Variants in TRPC6 observed in about 807,000 individuals in gnomAD.
TRPC6 encodes the protein transient receptor potential cation channel subfamily C member 6, also known as short transient receptor potential channel 6.
In TRPC6, 55 loss-of-function variants were observed where a neutral mutation model predicts 90.7. That is an observed-to-expected ratio of 0.61 (90% CI 0.49 to 0.76). The LOEUF (loss-of-function observed/expected upper bound fraction) is 0.76, where lower values mean the gene tolerates loss of function less well. TRPC6 is among the 30% of genes least tolerant of loss of function. TRPC6 has a pLI of 0.00. For missense variants in TRPC6, 989 were observed against 1,122.7 expected (o/e 0.88, Z 1.70); for synonymous variants, 393 against 393.0 (o/e 1.00, Z 0.00).
chr11:101,581,924 A>G lies in TRPC6; in HGVS notation c.170+1410T>C, dbSNP rs190052505. On this transcript the variant is annotated intron_variant, in intron 1 of 12. Coordinates refer to ENST00000344327, the MANE Select transcript of TRPC6 (RefSeq NM_004621.6). ...CATTAAAGTTGGAAAAGTCTGTACT[A>G]TGAGACATAAAAATATCTTCTAATT... 4.3e-3 allele frequency among the ~76,000 whole-genome samples: 656 copies of G among 152,308 alleles called. 1 individual carries two copies. The highest frequency in any genetic ancestry group is 0.015 in the African/African-American group (622 of 41,560).
chr11:101,496,006 G>T (rs1170989978), intron 2 of TRPC6, among the ~76,000 whole-genome samples: 1 of 152,004 alleles, frequency 6.6e-6, no homozygotes, highest in Non-Finnish European at 1.5e-5. Flanking sequence ...TTCTGCTTTT[G>T]GAGAGGCCTC....
rs189991620 is a variant in TRPC6 at position 101,499,128 on chromosome 11, G to A, written c.945+4896C>T. On this transcript the variant is annotated intron_variant, in intron 2 of 12. Transcript: ENST00000344327. ...TGAGTGAGAGTCCAGAAAAAGTTAA[G>A]CAAAGACAGCATCAGCAGGGAATAC... 3.9e-5 allele frequency among the ~76,000 whole-genome samples: 6 copies of A among 152,224 alleles called. No individual in the cohort carries two copies. In the East Asian group the frequency reaches 9.7e-4, roughly 25 times the overall value.
intron 5 of TRPC6, among the ~76,000 whole-genome samples, chr11:101,477,408 C>A (rs550076884): frequency 6.6e-6 from 1 of 151,896 alleles, no homozygotes; most frequent in Non-Finnish European, 1.5e-5. Context: ...CTGGAAAAAT[C>A]TTTATATTGT....
At chr11:101,512,980 T>C (rs567160952) in intron 1 of TRPC6, among the ~76,000 whole-genome samples, 44 of 152,350 alleles carry the variant, frequency 2.9e-4, no homozygotes, top group African/African-American at 1.0e-3. Flanking sequence ...TAGGAGTATG[T>C]GTGCAGAAGT....
intron 1 of TRPC6, among the ~76,000 whole-genome samples, chr11:101,552,858 T>C (rs915950218): frequency 6.6e-6 from 1 of 152,144 alleles, no homozygotes; most frequent in African/African-American, 2.4e-5. Flanking sequence ...GGCATAAATA[T>C]AAATGATAGT....
chr11:101,506,621 C>T (rs1447381400), intron 1 of TRPC6, among the ~76,000 whole-genome samples: 1 of 152,100 alleles, frequency 6.6e-6, no homozygotes, highest in East Asian at 1.9e-4. Context: ...AAAGAGACAA[C>T]TTTGTAAGTT....
chr11:101,453,547 T>G, intron 12 of TRPC6, 103 bp downstream of exon 12: 1 of 1,130,816 alleles, frequency 8.8e-7, no homozygotes, highest in East Asian at 2.4e-5. Context: ...CCCCTTGAAG[T>G]TCACTCTCCC....
rs113240332 is a variant in TRPC6 at position 101,558,346 on chromosome 11, T to C, written c.170+24988A>G. On this transcript the variant is annotated intron_variant, in intron 1 of 12. Transcript: ENST00000344327. ...ACATGTATATGGGTATACATGTATATATGTATACATGTATATGGGTATACA... is the reference window on the plus strand; with the variant it reads ...ACATGTATATGGGTATACATGTATACATGTATACATGTATATGGGTATACA... Among the ~76,000 whole-genome samples the C allele has an allele frequency of 3.3e-3, 273 of 82,214 alleles. 35 individuals carry two copies. Among genetic ancestry groups the C allele is most frequent in the African/African-American group, 7.6e-3 (160 of 21,186 alleles). The allele number at this position is 82,214 out of a possible 152,430, so 53.9% of individuals were successfully genotyped here.
At chr11:101,549,078 T>A (rs1449197505) in intron 1 of TRPC6, among the ~76,000 whole-genome samples, 1 of 151,908 alleles carries the variant, frequency 6.6e-6, no homozygotes, top group Non-Finnish European at 1.5e-5. Context: ...ATCCAATTTT[T>A]AAAAAGATTG....
At chr11:101,455,127 G>A (rs1158580508) in intron 10 of TRPC6, 26 bp from the exon 11 acceptor site, 1 of 1,567,568 alleles carries the variant, frequency 6.4e-7, no homozygotes, top group Non-Finnish European at 8.8e-7. Flanking sequence ...ATTTAGAAAT[G>A]GATTCCTACT....
intron 1 of TRPC6, among the ~76,000 whole-genome samples, chr11:101,513,090 A>C (rs973574713): frequency 1.1e-4 from 16 of 152,232 alleles, no homozygotes; most frequent in African/African-American, 3.1e-4. Context: ...AGAACAGGAT[A>C]ACCATAAGAC....
intron 4 of TRPC6, among the ~76,000 whole-genome samples, chr11:101,487,219 A>T (rs1421875275): frequency 6.6e-6 from 1 of 152,292 alleles, no homozygotes; most frequent in African/African-American, 2.4e-5. Context: ...GAAAGAGATT[A>T]TAATTTAACT....
At chr11:101,472,688 T>C (rs1472424648) in intron 7 of TRPC6, among the ~76,000 whole-genome samples, 1 of 152,158 alleles carries the variant, frequency 6.6e-6, no homozygotes, top group Non-Finnish European at 1.5e-5. Context: ...ATACTTCTAC[T>C]CATATCCAAT....
intron 1 of TRPC6, among the ~76,000 whole-genome samples, chr11:101,517,179 A>G (rs1860541996): frequency 6.6e-6 from 1 of 152,228 alleles, no homozygotes; most frequent in Admixed American, 6.5e-5. Flanking sequence ...AAGCTATAAA[A>G]GTTATATGAC....
chr11:101,453,373 C>T (rs1052558267), intron 12 of TRPC6, among the ~76,000 whole-genome samples: 4 of 152,160 alleles, frequency 2.6e-5, no homozygotes, highest in African/African-American at 9.7e-5. Context: ...GTTGAGGCAG[C>T]AGCCCCTTCC....
intron 1 of TRPC6, among the ~76,000 whole-genome samples, chr11:101,560,813 G>A (rs1861694838): frequency 6.6e-6 from 1 of 152,124 alleles, no homozygotes. Flanking sequence ...TGTAGGAATG[G>A]CACAGCCGTC....
intron 1 of TRPC6, among the ~76,000 whole-genome samples, chr11:101,544,840 G>C (rs1352400720): frequency 2.6e-5 from 4 of 151,732 alleles, no homozygotes; most frequent in Non-Finnish European, 1.5e-5. Context: ...TAACAAACCT[G>C]CATGTTCTGC....
intron 1 of TRPC6, among the ~76,000 whole-genome samples, chr11:101,546,260 G>T (rs1452571614): frequency 5.4e-5 from 6 of 111,824 alleles, no homozygotes; most frequent in African/African-American, 2.1e-4. Context: ...TTTTAGTAGA[G>T]ACGGGGTTTC....
chr11:101,452,739 G>A lies in TRPC6; in HGVS notation c.*216C>T. The stretch of plus-strand genomic sequence containing the variant: ...TATAAAACAAGCACCAAACAACTGG[G>A]CATAATTTTCCTCATTATCTACAGC... On this transcript the variant is annotated 3_prime_UTR_variant, in exon 13 of 13. Transcript: ENST00000344327. 1 of 557,988 alleles carries A rather than the reference G, an allele frequency of 1.8e-6. No individual in the cohort carries two copies. Among genetic ancestry groups the A allele is most frequent in the South Asian group, 2.1e-5 (1 of 46,640 alleles). The allele number at this position is 557,988 out of a possible 1,614,324, so 34.6% of individuals were successfully genotyped here. A position where few individuals can be genotyped will look rare whatever the true frequency, so the allele number is the denominator to read the frequency against.
Sources: allele counts gnomAD v4.1 joint callset (sites outside exome capture counted in the v4.1 genomes callset), GRCh38; gene constraint gnomAD v4.1.1; transcripts MANE v1.5; gene names NCBI Gene and HGNC (gene_info 2026-07-23, HGNC 2026-07-21).